GRM7: variants seen among roughly 807,000 people sequenced by gnomAD.
GRM7 encodes metabotropic glutamate receptor 7.
Under a neutral mutation model 84.5 loss-of-function variants are expected in GRM7, and 35 were observed. The ratio of observed to expected loss-of-function variants is 0.41; its 90% confidence interval spans 0.32 to 0.55. GRM7 has a LOEUF of 0.55. GRM7 is among the 20% of genes least tolerant of loss of function. GRM7 has a pLI of 0.19. For synonymous variants in GRM7, 487 were observed against 455.1 expected (o/e 1.07, Z -0.89); for missense variants, 1,003 against 1,194.6 (o/e 0.84, Z 2.36).
chr3:7,123,199 T>C (rs115261974), intron 1 of GRM7, among the ~76,000 whole-genome samples: 3,823 of 152,348 alleles, frequency 0.025, 76 homozygotes, highest in Non-Finnish European at 0.037. Flanking sequence ...GTGTTGAGAA[T>C]GTTTAAATGC....
rs1440885064 is a variant in GRM7 at position 6,863,716 on chromosome 3, T to C, written c.519+1809T>C. On this transcript the variant is annotated intron_variant, in intron 1 of 9. Coordinates refer to ENST00000357716, the MANE Select transcript of GRM7 (RefSeq NM_000844.4). This position sits in a 1 kb window ranked among gnomAD's most constrained non-coding sequence, Gnocchi z 4.8. ...CGGGAGAGGATGAGGTCAGAGACAT[T>C]ACCTGAGAACCACTGGGGGCTGGGG... is the stretch of plus-strand genomic sequence containing the variant. 6.6e-6 allele frequency among the ~76,000 whole-genome samples: 1 copy of C among 152,186 alleles called. No individual in the cohort carries two copies. Among genetic ancestry groups the C allele is most frequent in the Non-Finnish European group, 1.5e-5 (1 of 68,032 alleles).
intron 7 of GRM7, among the ~76,000 whole-genome samples, chr3:7,541,880 A>G (rs1692901746): frequency 6.6e-6 from 1 of 152,196 alleles, no homozygotes; most frequent in Non-Finnish European, 1.5e-5. Context: ...AGAAGTCCCA[A>G]ATCAAGAGCA....
At chr3:7,464,092 C>T (rs1376910249) in intron 7 of GRM7, among the ~76,000 whole-genome samples, 3 of 152,132 alleles carry the variant, frequency 2.0e-5, no homozygotes, top group Non-Finnish European at 4.4e-5. Context: ...ATTACCGGGC[C>T]CTGCTCTCAG....
chr3:7,285,151 T>C (rs1699384767), intron 2 of GRM7, among the ~76,000 whole-genome samples: 1 of 152,178 alleles, frequency 6.6e-6, no homozygotes, highest in Non-Finnish European at 1.5e-5. Flanking sequence ...AAAGAGCCCA[T>C]AGACTGCAAA....
At chr3:6,913,384 A>T (rs1044326891) in intron 1 of GRM7, among the ~76,000 whole-genome samples, 3 of 152,254 alleles carry the variant, frequency 2.0e-5, no homozygotes, top group Admixed American at 6.5e-5. Flanking sequence ...TAATCAACTA[A>T]AACTAAATGG....
chr3:6,921,613 C>T (rs1280096807), intron 1 of GRM7, among the ~76,000 whole-genome samples: 2 of 152,034 alleles, frequency 1.3e-5, no homozygotes, highest in East Asian at 3.9e-4. Context: ...TCTAGTATTC[C>T]TTCACAACTT....
intron 1 of GRM7, among the ~76,000 whole-genome samples, chr3:6,921,630 T>C (rs902664480): frequency 1.3e-5 from 2 of 152,140 alleles, no homozygotes; most frequent in African/African-American, 4.8e-5. Flanking sequence ...ACTTCTTGTG[T>C]ACCAGGCTCT....
rs1254022979 is a variant in GRM7, at chr3:7,486,592, G to T, written c.1515+24870G>T. ...TCTGCCTCACAAGTTTGTTCTCTCT[G>T]CACACACCTGCTTCTTTCACTTCTC... On this transcript the variant is annotated intron_variant, in intron 7 of 9. Coordinates refer to ENST00000357716, the MANE Select transcript of GRM7 (RefSeq NM_000844.4). This position sits in a 1 kb window ranked among gnomAD's most constrained non-coding sequence, Gnocchi z 5.5. Among the ~76,000 whole-genome samples the T allele has an allele frequency of 1.3e-5, 2 of 152,146 alleles. No individual in the cohort carries two copies. The highest frequency in any genetic ancestry group is 2.9e-5 in the Non-Finnish European group (2 of 68,040).
chr3:7,525,068 G>A (rs1700738793), intron 7 of GRM7, among the ~76,000 whole-genome samples: 2 of 146,996 alleles, frequency 1.4e-5, no homozygotes, highest in Non-Finnish European at 3.0e-5. Context: ...TGAACAATGA[G>A]AACACATGGA....
At chr3:7,174,603 G>C (rs1695085586) in intron 2 of GRM7, among the ~76,000 whole-genome samples, 1 of 152,214 alleles carries the variant, frequency 6.6e-6, no homozygotes, top group Non-Finnish European at 1.5e-5. Flanking sequence ...GCCTTGGTCA[G>C]TAGTCCTTGG....
intron 1 of GRM7, among the ~76,000 whole-genome samples, chr3:6,895,151 T>C (rs1256326157): frequency 1.3e-5 from 2 of 152,164 alleles, no homozygotes; most frequent in Non-Finnish European, 2.9e-5. Context: ...AGGACGATTA[T>C]TAACACTCAA....
intron 7 of GRM7, among the ~76,000 whole-genome samples, chr3:7,543,369 T>G (rs555658597): frequency 6.6e-6 from 1 of 152,312 alleles, no homozygotes; most frequent in South Asian, 2.1e-4. Flanking sequence ...AGGGGAATAT[T>G]TGGCAATGTA....
intron 7 of GRM7, among the ~76,000 whole-genome samples, chr3:7,556,273 C>A (rs1693753437): frequency 6.6e-6 from 1 of 152,124 alleles, no homozygotes; most frequent in South Asian, 2.1e-4. Context: ...AATGGTTCTA[C>A]CTCCTAATAA....
intron 2 of GRM7, among the ~76,000 whole-genome samples, chr3:7,191,615 G>A (rs1411467553): frequency 1.3e-5 from 2 of 150,926 alleles, no homozygotes; most frequent in Non-Finnish European, 1.5e-5. Flanking sequence ...TCACAAATGC[G>A]TTATGCTAAA....
rs560427491 is a variant in GRM7 at position 6,994,878 on chromosome 3, C to T, written c.519+132971C>T. ...CCAAATTGGGTTTTGTATTTCTATGCGGAAAGGGAGATTTTATTTATGGAT... is the reference window on the plus strand; with the variant it reads ...CCAAATTGGGTTTTGTATTTCTATGTGGAAAGGGAGATTTTATTTATGGAT... On this transcript the variant is annotated intron_variant, in intron 1 of 9. Coordinates refer to ENST00000357716, the MANE Select transcript of GRM7 (RefSeq NM_000844.4). Among the ~76,000 whole-genome samples, 11 of 152,182 alleles carry T rather than the reference C, an allele frequency of 7.2e-5. No homozygotes were observed. The East Asian group carries it at 1.4e-3, about 19-fold the overall frequency.
intron 6 of GRM7, among the ~76,000 whole-genome samples, chr3:7,457,647 T>C (rs529212822): frequency 6.6e-6 from 1 of 152,332 alleles, no homozygotes; most frequent in South Asian, 2.1e-4. Flanking sequence ...GTGAGATTTA[T>C]TTTTCCTCCC....
In GRM7 at chr3:7,457,342, T is replaced by G. The variant is rs1427699834; in HGVS notation, c.1376-4241T>G. ...GCATTGAGGAAAGAAATGGGTAATT[T>G]AGTTTTTATCATGCCTAGATATTTT... On this transcript the variant is annotated intron_variant, in intron 6 of 9. Coordinates refer to ENST00000357716, the MANE Select transcript of GRM7 (RefSeq NM_000844.4). Among the ~76,000 whole-genome samples the G allele has an allele frequency of 2.0e-5, 3 of 152,204 alleles. No individual in the cohort carries two copies. In the East Asian group the frequency reaches 5.8e-4, roughly 29 times the overall value.
chr3:7,315,250 A>G (rs1229255672), intron 4 of GRM7, among the ~76,000 whole-genome samples: 1 of 152,190 alleles, frequency 6.6e-6, no homozygotes, highest in Non-Finnish European at 1.5e-5. Flanking sequence ...TAGGTCAGTC[A>G]CCAGTGAAAG....
chr3:7,305,177 T>G (rs1195512011), intron 3 of GRM7, among the ~76,000 whole-genome samples: 2 of 152,192 alleles, frequency 1.3e-5, no homozygotes, highest in African/African-American at 4.8e-5. Context: ...ATTTCTATTA[T>G]ACTGACTTTT....
Sources: gnomAD v4.1 joint callset for allele counts (sites outside exome capture counted in the v4.1 genomes callset) on GRCh38, gnomAD v4.1.1 for gene constraint, Gnocchi (gnomAD v3.1) non-coding constraint, MANE v1.5 for transcripts, NCBI Gene and HGNC (gene_info 2026-07-23, HGNC 2026-07-21) for gene names.